CEP192: variants seen among roughly 807,000 people sequenced by gnomAD.
CEP192 encodes centrosomal protein 192.
CEP192 carries 151 observed loss-of-function variants against 271.8 expected under a neutral mutation model. The ratio of observed to expected loss-of-function variants is 0.56; its 90% confidence interval spans 0.49 to 0.64. The LOEUF (loss-of-function observed/expected upper bound fraction) is 0.64, where lower values mean the gene tolerates loss of function less well. Among genes scored for constraint, CEP192 ranks in the 30% least tolerant of loss-of-function variants. The probability of loss-of-function intolerance (pLI) is 0.00; values close to 1 mark genes in which losing one functional copy is unlikely to be tolerated. For missense variants in CEP192, 2,910 were observed against 3,020.5 expected, an observed-to-expected ratio of 0.96 and a Z score of 0.86; for synonymous variants, 995 against 1,076.5, an observed-to-expected ratio of 0.92 and a Z score of 1.48.
At chr18:13,113,978 CAG>C in intron 41 of CEP192, 150 bp from the exon 42 acceptor site, 1 of 864,662 alleles carries the variant, frequency 1.2e-6, no homozygotes, top group Non-Finnish European at 1.7e-6. Context: ...CCAGGCAGGA[CAG>C]AGTACAGAGC....
At chr18:13,036,482 A>C (rs1480882437) in intron 11 of CEP192, among the ~76,000 whole-genome samples, 2 of 152,244 alleles carry the variant, frequency 1.3e-5, no homozygotes, top group African/African-American at 4.8e-5. Flanking sequence ...TGCCAGGCAG[A>C]GGCCTAGAGT....
intron 36 of CEP192, among the ~76,000 whole-genome samples, chr18:13,097,880 GC>G (rs2039483552): frequency 6.6e-6 from 1 of 152,120 alleles, no homozygotes. Flanking sequence ...CATCTGTTTA[GC>G]AAAGCACATC....
At chr18:13,115,420 G>A (rs2145095386) in intron 42 of CEP192, among the ~76,000 whole-genome samples, 1 of 152,310 alleles carries the variant, frequency 6.6e-6, no homozygotes, top group East Asian at 1.9e-4. Flanking sequence ...GAAGTTCAGT[G>A]TGAAAGGGGA....
intron 5 of CEP192, 37 bp from the exon 6 acceptor site, chr18:13,015,291 A>G: frequency 6.5e-7 from 1 of 1,544,154 alleles, no homozygotes; most frequent in Non-Finnish European, 8.7e-7. Flanking sequence ...CAGAGCCCTG[A>G]ATGTGCTTCT....
chr18:13,026,218 C>T (rs1236799631), intron 9 of CEP192, among the ~76,000 whole-genome samples: 1 of 152,138 alleles, frequency 6.6e-6, no homozygotes, highest in African/African-American at 2.4e-5. Flanking sequence ...TGAGGAGAAG[C>T]CAAATGTCGC....
At chr18:13,005,528 G>T (rs113348208) in intron 3 of CEP192, among the ~76,000 whole-genome samples, 11 of 152,344 alleles carry the variant, frequency 7.2e-5, no homozygotes, top group African/African-American at 2.6e-4. Flanking sequence ...ACTCTTGCTG[G>T]AGGCCAGGAG....
chr18:12,997,421 A>T (rs1180439967), intron 1 of CEP192, among the ~76,000 whole-genome samples: 2 of 152,194 alleles, frequency 1.3e-5, no homozygotes, highest in African/African-American at 2.4e-5. Context: ...AACAAAGACA[A>T]TTATTCAATT....
In CEP192 at chr18:13,030,579, A is replaced by G; in HGVS notation, c.1505A>G (p.Asp502Gly). 6.2e-7 allele frequency: 1 copy of G among 1,610,444 alleles called. No homozygotes were observed. Among genetic ancestry groups the G allele is most frequent in the Non-Finnish European group, 8.5e-7 (1 of 1,177,356 alleles). ...SKQNLNVSLS[D>G]EMNEDFRSGS... Reference sequence around the variant, plus strand: ...CAAAATTTAAATGTGTCTCTAAGTGATGAGATGAATGAAGACTTCAGATCT... The same window carrying G: ...CAAAATTTAAATGTGTCTCTAAGTGGTGAGATGAATGAAGACTTCAGATCT... Residue 502 changes from aspartate (D) to glycine (G), a missense_variant, in exon 11 of 45, where the codon GAT becomes GGT. Asp to Gly is a moderately conservative substitution (Grantham distance 94). Transcript: ENST00000506447.
At chr18:13,080,469 AT>A (rs1173021206) in intron 30 of CEP192, among the ~76,000 whole-genome samples, 1 of 152,098 alleles carries the variant, frequency 6.6e-6, no homozygotes, top group Non-Finnish European at 1.5e-5. Context: ...AATGCTTGTG[AT>A]TTTTGCACAC....
intron 1 of CEP192, among the ~76,000 whole-genome samples, chr18:12,994,258 TTAATAA>T (rs2033072040): frequency 2.0e-5 from 3 of 152,152 alleles, no homozygotes; most frequent in Non-Finnish European, 2.9e-5. Flanking sequence ...GCTGTTTGAC[TTAATAA>T]TAAGAGATAA....
chr18:13,014,686 G>A (rs180933912), intron 5 of CEP192, among the ~76,000 whole-genome samples: 1 of 152,284 alleles, frequency 6.6e-6, no homozygotes, highest in Admixed American at 6.5e-5. Flanking sequence ...TGTGAGAATA[G>A]CTCAGCACTG....
chr18:13,022,532 C>T (rs1043688976), intron 9 of CEP192, among the ~76,000 whole-genome samples: 1 of 152,126 alleles, frequency 6.6e-6, no homozygotes, highest in Non-Finnish European at 1.5e-5. Context: ...AAGTGTACGC[C>T]ACCATGCCCA....
intron 27 of CEP192, among the ~76,000 whole-genome samples, chr18:13,070,523 C>T (rs1404278063): frequency 1.3e-5 from 2 of 152,168 alleles, no homozygotes; most frequent in Admixed American, 6.5e-5. Flanking sequence ...TTCTTGGCAC[C>T]CAAATCATAA....
chr18:13,049,936 G>A, intron 17 of CEP192, 45 bp downstream of exon 17: 10 of 1,481,254 alleles, frequency 6.8e-6, no homozygotes, highest in Non-Finnish European at 9.0e-6. Context: ...TATGCGTTCA[G>A]TATAGGAACT....
chr18:13,008,290 G>A (rs2034105152), intron 3 of CEP192, among the ~76,000 whole-genome samples, 166 bp from the exon 4 acceptor site: 1 of 152,320 alleles, frequency 6.6e-6, no homozygotes, highest in Admixed American at 6.5e-5. Flanking sequence ...CCAGAATACA[G>A]TGCAGTGTTA....
At chr18:12,993,930 C>T (rs928224898) in intron 1 of CEP192, among the ~76,000 whole-genome samples, 1 of 152,202 alleles carries the variant, frequency 6.6e-6, no homozygotes, top group African/African-American at 2.4e-5. Flanking sequence ...TTCCAGTTCT[C>T]TGTCAGGTAT....
chr18:13,017,089 C>A, intron 6 of CEP192, 99 bp from the exon 7 acceptor site: 1 of 858,378 alleles, frequency 1.2e-6, no homozygotes, highest in Non-Finnish European at 1.7e-6. Context: ...AAATCTTAGT[C>A]CATTGACTCA....
intron 21 of CEP192, among the ~76,000 whole-genome samples, chr18:13,063,794 G>A (rs1032036539): frequency 3.3e-5 from 5 of 151,046 alleles, no homozygotes; most frequent in African/African-American, 7.3e-5. Context: ...TCTTTGCCCA[G>A]ATCAATGTCC....
At chr18:13,033,936 A>G (rs919898422) in intron 11 of CEP192, among the ~76,000 whole-genome samples, 3 of 152,226 alleles carry the variant, frequency 2.0e-5, no homozygotes, top group African/African-American at 7.2e-5. Context: ...GAACTCAGAA[A>G]TCAAAAATTC....
Sources: allele counts gnomAD v4.1 joint callset (sites outside exome capture counted in the v4.1 genomes callset), GRCh38; gene constraint gnomAD v4.1.1; transcripts MANE v1.5; gene names NCBI Gene and HGNC (gene_info 2026-07-23, HGNC 2026-07-21).